The following NPDC1 variants were observed in gnomAD, a reference collection of about 807,000 sequenced individuals.
The protein encoded by NPDC1 is neural proliferation differentiation and control protein 1.
NPDC1 carries 18 observed loss-of-function variants against 32.5 expected under a neutral mutation model. The observed-to-expected ratio is 0.55, with a 90% CI of 0.38 to 0.82. NPDC1 has a LOEUF of 0.82. Among genes scored for constraint, NPDC1 ranks in the 40% least tolerant of loss-of-function variants. NPDC1 has a pLI of 0.00. For synonymous variants in NPDC1, 210 were observed against 184.7 expected, an observed-to-expected ratio of 1.14 and a Z score of -1.11; for missense variants, 468 against 406.6, an observed-to-expected ratio of 1.15 and a Z score of -1.30.
rs200332573 is a variant in NPDC1, at chr9:137,042,922, C to T, written c.259+5G>A. 10 of 1,590,332 alleles carry T rather than the reference C, an allele frequency of 6.3e-6. No individual in the cohort carries two copies. The African/African-American group carries it at 8.1e-5, about 13-fold the overall frequency. ...CCCCATCGACTTCCCCCTTTGCTCT[C>T]GTACCTGGAGGCCGGCGCATCCTGG... On this transcript the variant is annotated splice_donor_5th_base_variant and intron_variant, in intron 2 of 8. Transcript: ENST00000371601.
At position 137,045,970 on chromosome 9, in the gene NPDC1, G is replaced by A; in HGVS notation, c.20C>T (p.Pro7Leu). 2 of 1,191,996 alleles carry A rather than the reference G, an allele frequency of 1.7e-6. No individual in the cohort carries two copies. Among genetic ancestry groups the A allele is most frequent in the East Asian group, 3.5e-5 (1 of 28,220 alleles). 73.8% of individuals were successfully genotyped at this position (1,191,996 alleles called of 1,614,324 possible). Residue 7 changes from proline (P) to leucine (L), a missense_variant, in exon 1 of 9, where the codon CCG (proline) becomes CTG (leucine). Pro to Leu is a moderately conservative substitution (Grantham distance 98, BLOSUM62 -3). Coordinates refer to ENST00000371601, the MANE Select transcript of NPDC1 (RefSeq NM_015392.4). ...CAGCCGCAGGTGCCGCGGGGAGGGCGGAGGCAGCGGCGTCGCCATCCTTCA... is the reference window on the plus strand; with the variant it reads ...CAGCCGCAGGTGCCGCGGGGAGGGCAGAGGCAGCGGCGTCGCCATCCTTCA... MATPLPPPSPRHLRLLR... is the reference protein window; with the variant it reads MATPLPLPSPRHLRLLR...
intron 2 of NPDC1, among the ~76,000 whole-genome samples, chr9:137,041,627 G>C (rs1421207504): frequency 2.0e-5 from 3 of 152,192 alleles, no homozygotes; most frequent in Admixed American, 6.5e-5. Context: ...GCAGCTGTCA[G>C]GGGTGGGGCT....
Position 137,042,935 on chromosome 9 carries a change from C to T in NPDC1, c.251G>A (p.Arg84Gln), listed in dbSNP as rs377735748. 1.2e-5 allele frequency: 19 copies of T among 1,595,476 alleles called. No homozygotes were observed. The highest frequency in any genetic ancestry group is 6.6e-5 in the South Asian group (6 of 90,240). The change falls in exon 2 of 9, where the codon CGG becomes CAG. Residue 84 changes from arginine (R) to glutamine (Q), a missense_variant. Arg to Gln is a conservative substitution (Grantham distance 43, BLOSUM62 1). Transcript: ENST00000371601. Reference sequence around the variant, plus strand: ...CCCCTTTGCTCTCGTACCTGGAGGCCGGCGCATCCTGGGCACACAGAGCCC... The same window carrying T: ...CCCCTTTGCTCTCGTACCTGGAGGCTGGCGCATCCTGGGCACACAGAGCCC... ...QQGLCVPRMRRPPGGGRPQPR... is the reference protein window; with the variant it reads ...QQGLCVPRMRQPPGGGRPQPR...
At chr9:137,039,917 T>A (rs1318755143) in intron 8 of NPDC1, 53 bp from the exon 9 acceptor site, 2 of 778,644 alleles carry the variant, frequency 2.6e-6, no homozygotes, top group East Asian at 2.4e-5. Flanking sequence ...GGATACTTGC[T>A]GGGAGGGAAC....
chr9:137,045,247 T>C (rs1832112556), intron 1 of NPDC1, among the ~76,000 whole-genome samples: 1 of 152,234 alleles, frequency 6.6e-6, no homozygotes, highest in African/African-American at 2.4e-5. Context: ...AAAGACAGAA[T>C]GCCAGTGCCC....
In NPDC1 at chr9:137,040,347, G is replaced by T; in HGVS notation, c.788+10C>A. On this transcript the variant is annotated intron_variant, in intron 7 of 8. Coordinates refer to ENST00000371601, the MANE Select transcript of NPDC1 (RefSeq NM_015392.4). ...TGGGTGGGGGTGGCAGTGCCGGGGC[G>T]GCCACTCACCGCTCCAGGCACAGCA... 6.5e-7 allele frequency: 1 copy of T among 1,539,186 alleles called. No individual in the cohort carries two copies. Among genetic ancestry groups the T allele is most frequent in the Non-Finnish European group, 8.7e-7 (1 of 1,145,930 alleles).
At chr9:137,041,454 G>C (rs375389487) in intron 2 of NPDC1, among the ~76,000 whole-genome samples, 1 of 152,252 alleles carries the variant, frequency 6.6e-6, no homozygotes, top group African/African-American at 2.4e-5. Flanking sequence ...GGGGTCTCTC[G>C]CCCCAACCCA....
In NPDC1 at chr9:137,040,983, G is replaced by A. The variant is rs1322667400; in HGVS notation, c.387C>T (p.Ala129=). 3.3e-6 allele frequency: 5 copies of A among 1,535,116 alleles called. No homozygotes were observed. The East Asian group carries it at 6.8e-5, about 21-fold the overall frequency. The change falls in exon 4 of 9, where the codon GCC becomes GCT. Residue 129 remains alanine (A), a splice_region_variant and synonymous_variant. Coordinates refer to ENST00000371601, the MANE Select transcript of NPDC1 (RefSeq NM_015392.4). ...GCCCCCGTGCCGAGAAGCCCAGGGT[G>A]GCTGCGAGAGAGGACAGGTTAGAAT... ...PKDRQRLPEP[A]TLGFSARGQG...
Position 137,039,724 on chromosome 9 carries a change from C to G in NPDC1, c.*48G>C, listed in dbSNP as rs778316966. 2.8e-6 allele frequency: 2 copies of G among 714,944 alleles called. No homozygotes were observed. Among genetic ancestry groups the G allele is most frequent in the Admixed American group, 2.1e-5 (1 of 47,922 alleles). 44.3% of individuals were successfully genotyped at this position (714,944 alleles called of 1,614,324 possible). ...GGAAGCTCCAGGCCCTGCCCCTCCC[C>G]GGGGGCCTCGAGGTCGGGGAGCAGG... On this transcript the variant is annotated 3_prime_UTR_variant, in exon 9 of 9. Coordinates refer to ENST00000371601, the MANE Select transcript of NPDC1 (RefSeq NM_015392.4).
rs1443824460 is a variant in NPDC1, at chr9:137,043,091, G to C, written c.113-18C>G. On this transcript the variant is annotated intron_variant, in intron 1 of 8. Coordinates refer to ENST00000371601, the MANE Select transcript of NPDC1 (RefSeq NM_015392.4). ...GGCTACATCTGGGAAGGAAGCAGAA[G>C]GCAGGGCCGGCTCACGGCCCCGCAG... 6.2e-7 allele frequency: 1 copy of C among 1,611,496 alleles called. No individual in the cohort carries two copies. Among genetic ancestry groups the C allele is most frequent in the Non-Finnish European group, 8.5e-7 (1 of 1,179,428 alleles).
intron 2 of NPDC1, among the ~76,000 whole-genome samples, chr9:137,042,353 A>C (rs1452051986): frequency 6.6e-6 from 1 of 150,396 alleles, no homozygotes; most frequent in African/African-American, 2.5e-5. Flanking sequence ...TCCCGGGTTC[A>C]CGCCATTCTC....
In NPDC1 at chr9:137,040,657, G is replaced by A. The variant is rs377015318; in HGVS notation, c.623+14C>T. 9.3e-5 allele frequency: 146 copies of A among 1,570,590 alleles called. No individual in the cohort carries two copies. Among genetic ancestry groups the A allele is most frequent in the African/African-American group, 3.1e-4 (23 of 74,546 alleles). On this transcript the variant is annotated intron_variant, in intron 5 of 8. Transcript: ENST00000371601. Reference sequence around the variant, plus strand: ...GTGGCACCCTCCCTGCCCTGCCCGCGGCCACTGGCTCACCTGCACCAGCAG... The same window carrying A: ...GTGGCACCCTCCCTGCCCTGCCCGCAGCCACTGGCTCACCTGCACCAGCAG...
intron 2 of NPDC1, among the ~76,000 whole-genome samples, chr9:137,041,578 G>A (rs930682453): frequency 1.3e-5 from 2 of 152,184 alleles, no homozygotes; most frequent in African/African-American, 4.8e-5. Flanking sequence ...AGGAAGCCAA[G>A]CACCCGGGAC....
Position 137,041,063 on chromosome 9 carries a change from A to AGGCTCC in NPDC1, c.378_383dup (p.Glu127_Pro128dup). On this transcript the variant is annotated inframe_insertion and splice_region_variant, in exon 3 of 9. Transcript: ENST00000371601. Reference sequence around the variant, plus strand: ...GGGCAGGGGAAGCGGGGGTCTCACCAGGCTCCGGGAGCCGCTGTCGGTCCT... The same window carrying AGGCTCC: ...GGGCAGGGGAAGCGGGGGTCTCACCAGGCTCCGGCTCCGGGAGCCGCTGTCGGTCCT... 6.6e-7 allele frequency: 1 copy of AGGCTCC among 1,519,876 alleles called. No individual in the cohort carries two copies. 94.1% of individuals were successfully genotyped at this position (1,519,876 alleles called of 1,614,324 possible).
rs1292871985 is a variant in NPDC1 at position 137,040,905 on chromosome 9, G to A, written c.465C>T (p.Pro155=). The A allele has an allele frequency of 1.0e-5, 16 of 1,573,228 alleles. No homozygotes were observed. Among genetic ancestry groups the A allele is most frequent in the Non-Finnish European group, 1.4e-5 (16 of 1,162,160 alleles). Residue 155 remains proline, a synonymous_variant, in exon 4 of 9, where the codon CCC becomes CCT. Coordinates refer to ENST00000371601, the MANE Select transcript of NPDC1 (RefSeq NM_015392.4). ...PSTPGTPTPT[P]HTSLGSPVSS... ...ACACAGGGGAGCCCAGGGAGGTGTG[G>A]GGCGTGGGCGTGGGGGTTCCTGGAG...
intron 7 of NPDC1, 41 bp downstream of exon 7, chr9:137,040,316 G>A (rs1246315181): frequency 6.8e-7 from 1 of 1,473,462 alleles, no homozygotes; most frequent in South Asian, 1.2e-5. Context: ...GGGGATGGGG[G>A]GTGGGTGGGT....
intron 7 of NPDC1, 138 bp downstream of exon 7, chr9:137,040,219 G>T: frequency 2.4e-6 from 2 of 825,654 alleles, no homozygotes; most frequent in Non-Finnish European, 3.9e-6. Context: ...GTGCAGGGCG[G>T]CGGGGGAGGT....
chr9:137,042,016 G>A (rs1832064048), intron 2 of NPDC1, among the ~76,000 whole-genome samples: 1 of 152,244 alleles, frequency 6.6e-6, no homozygotes. Context: ...ACCCTGCAGA[G>A]CCCAGGCCCG....
intron 1 of NPDC1, 40 bp downstream of exon 1, chr9:137,045,838 C>T: frequency 2.0e-6 from 2 of 991,996 alleles, no homozygotes; most frequent in South Asian, 4.5e-5. Flanking sequence ...GATCCCGGCC[C>T]CGGGGCGCCC....
Sources: gnomAD v4.1 joint callset for allele counts (sites outside exome capture counted in the v4.1 genomes callset) on GRCh38, gnomAD v4.1.1 for gene constraint, MANE v1.5 for transcripts, NCBI Gene and HGNC (gene_info 2026-07-23, HGNC 2026-07-21) for gene names.